ZNF223: variants seen among roughly 807,000 people sequenced by gnomAD.
The protein encoded by ZNF223 is Homo sapiens zinc finger protein 223.
ZNF223 carries 9 observed loss-of-function variants against 12.3 expected under a neutral mutation model. The ratio of observed to expected loss-of-function variants is 0.73; its 90% CI spans 0.44 to 1.28. ZNF223 has a LOEUF of 1.28. Ranked by LOEUF, ZNF223 falls within the 50% of genes most tolerant of loss-of-function variation. ZNF223 has a pLI of 0.00. For missense variants in ZNF223, 506 were observed against 579.0 expected, an observed-to-expected ratio of 0.87 and a Z score of 1.29; for synonymous variants, 171 against 195.2, an observed-to-expected ratio of 0.88 and a Z score of 1.03.
rs1976831598 is a variant in ZNF223, at chr19:44,061,017, A to C, written c.235+176A>C. 6.7e-6 allele frequency: 4 copies of C among 599,632 alleles called. No individual in the cohort carries two copies. The Admixed American group carries it at 1.2e-4, about 18-fold the overall frequency. The allele number at this position is 599,632 out of a possible 1,614,324, so 37.1% of individuals were successfully genotyped here. On this transcript the variant is annotated intron_variant, in intron 4 of 4. Transcript: ENST00000434772. ...TCCCACTCTGACATCTGTTCTCCTC[A>C]TGGCAGCTAAAGTGATCCTTAGGAC... is the stretch of plus-strand genomic sequence containing the variant.
At position 44,060,986 on chromosome 19, in the gene ZNF223, G is replaced by T. The variant is rs115744456; in HGVS notation, c.235+145G>T. 126 of 733,514 alleles carry T rather than the reference G, an allele frequency of 1.7e-4. 1 individual carries two copies. In the African/African-American group the frequency reaches 2.1e-3, roughly 12 times the overall value. 45.4% of individuals were successfully genotyped at this position (733,514 alleles called of 1,614,324 possible). A position where few individuals can be genotyped will look rare whatever the true frequency, so the allele number is the denominator to read the frequency against. ...TCCTTCCAGCTAGTGGCCCTGCTCC[G>T]TGCCTTCCCACTCTGACATCTGTTC... On this transcript the variant is annotated intron_variant, in intron 4 of 4. Coordinates refer to ENST00000434772, the MANE Select transcript of ZNF223 (RefSeq NM_013361.6).
chr19:44,055,826 GTGTAC>G (rs1424572690), intron 2 of ZNF223, among the ~76,000 whole-genome samples: 1 of 152,108 alleles, frequency 6.6e-6, no homozygotes, highest in East Asian at 1.9e-4. Flanking sequence ...CCAGTCACTT[GTGTAC>G]TGTCACTCAT....
At chr19:44,060,412 C>A (rs1306612781) in intron 2 of ZNF223, 43 bp from the exon 3 acceptor site, 1 of 1,610,186 alleles carries the variant, frequency 6.2e-7, no homozygotes, top group African/African-American at 1.3e-5. Context: ...CTCCCAGTAA[C>A]CATTGGTAGT....
chr19:44,056,277 G>A (rs1267239671), intron 2 of ZNF223, among the ~76,000 whole-genome samples: 1 of 150,352 alleles, frequency 6.7e-6, no homozygotes, highest in East Asian at 2.0e-4. Flanking sequence ...GCACTTTTTC[G>A]GAGGCTGAGG....
At chr19:44,065,989 G>A (rs1278388061) in intron 4 of ZNF223, 75 bp from the exon 5 acceptor site, 1 of 1,513,744 alleles carries the variant, frequency 6.6e-7, no homozygotes, top group Non-Finnish European at 8.8e-7. Flanking sequence ...TTCATACCAT[G>A]TCCTAAGTGT....
rs1438912741 is a variant in ZNF223 at position 44,066,796 on chromosome 19, A to T, written c.968A>T (p.Lys323Ile). The T allele has an allele frequency of 1.9e-6, 3 of 1,614,204 alleles. No homozygotes were observed. The highest frequency in any genetic ancestry group is 2.2e-5 in the South Asian group (2 of 91,086). ...CCAAACAGCACTGGGGAATATGGAA[A>T]AGGCTTCATTCGTAGGCTGGATTTG... ...KKPNSTGEYGKGFIRRLDLCK... is the reference protein window; with the variant it reads ...KKPNSTGEYGIGFIRRLDLCK... The change falls in exon 5 of 5, where the codon AAA becomes ATA. Residue 323 changes from lysine to isoleucine, a missense_variant. Coordinates refer to ENST00000434772, the MANE Select transcript of ZNF223 (RefSeq NM_013361.6).
In ZNF223 at chr19:44,067,136, G is replaced by A; in HGVS notation, c.1308G>A (p.Lys436=). ...KPFKCEDCGK[K]LVYRSYRKDQ... The stretch of plus-strand genomic sequence containing the variant: ...TCAAATGTGAGGATTGTGGAAAGAA[G>A]CTTGTATACCGGTCATACCGTAAAG... The change falls in exon 5 of 5, where the codon AAG becomes AAA. Residue 436 remains lysine (K), a synonymous_variant. Transcript: ENST00000434772. 6.2e-7 allele frequency: 1 copy of A among 1,613,610 alleles called. No individual in the cohort carries two copies. The highest frequency in any genetic ancestry group is 1.7e-5 in the Admixed American group (1 of 59,914).
intron 2 of ZNF223, among the ~76,000 whole-genome samples, chr19:44,059,944 C>G (rs1976815034): frequency 6.6e-6 from 1 of 152,170 alleles, no homozygotes; most frequent in Non-Finnish European, 1.5e-5. Context: ...AGATTAGAGT[C>G]AGGAGGACCT....
intron 4 of ZNF223, 176 bp downstream of exon 4, chr19:44,061,017 A>G: frequency 3.3e-6 from 2 of 599,632 alleles, no homozygotes; most frequent in Non-Finnish European, 6.0e-6. Flanking sequence ...TGTTCTCCTC[A>G]TGGCAGCTAA....
chr19:44,056,221 A>G (rs1403367428), intron 2 of ZNF223, among the ~76,000 whole-genome samples: 2 of 151,572 alleles, frequency 1.3e-5, no homozygotes, highest in Non-Finnish European at 2.9e-5. Context: ...GATACCTCAC[A>G]CATTTTTTCT....
At chr19:44,057,451 C>A (rs946541369) in intron 2 of ZNF223, among the ~76,000 whole-genome samples, 1 of 152,110 alleles carries the variant, frequency 6.6e-6, no homozygotes, top group African/African-American at 2.4e-5. Context: ...AAAAATAGAT[C>A]ATCAGTTCCC....
chr19:44,055,047 G>T, intron 1 of ZNF223, 62 bp from the exon 2 acceptor site: 1 of 773,346 alleles, frequency 1.3e-6, no homozygotes, highest in Non-Finnish European at 2.2e-6. Flanking sequence ...AGTCCTTGTT[G>T]GTGGGTGACA....
intron 1 of ZNF223, 59 bp from the exon 2 acceptor site, chr19:44,055,050 G>GGGT (rs1976747034): frequency 3.0e-5 from 24 of 809,222 alleles, no homozygotes; most frequent in Non-Finnish European, 4.7e-5. Context: ...CCTTGTTGGT[G>GGGT]GGTGACATCC....
At chr19:44,060,726 C>T (rs1468280706) in intron 3 of ZNF223, 23 bp from the exon 4 acceptor site, 3 of 1,613,688 alleles carry the variant, frequency 1.9e-6, no homozygotes, top group Middle Eastern at 1.7e-4. Context: ...TGGGATTAAG[C>T]ATGTGACTTT....
chr19:44,065,718 T>C (rs1225350543), intron 4 of ZNF223, among the ~76,000 whole-genome samples: 3 of 151,822 alleles, frequency 2.0e-5, no homozygotes, highest in African/African-American at 7.3e-5. Flanking sequence ...TCTGGGATTA[T>C]AGGTGTGTGC....
intron 4 of ZNF223, among the ~76,000 whole-genome samples, chr19:44,063,893 G>A (rs574999635): frequency 6.6e-6 from 1 of 152,158 alleles, no homozygotes; most frequent in Non-Finnish European, 1.5e-5. Flanking sequence ...CTAGGCTTAA[G>A]GGTGGAGTTT....
chr19:44,053,115 G>T (rs1167557303), intron 1 of ZNF223, among the ~76,000 whole-genome samples: 1 of 152,124 alleles, frequency 6.6e-6, no homozygotes, highest in African/African-American at 2.4e-5. Context: ...GATATTGAAG[G>T]GGGCCTGCCT....
At chr19:44,064,815 A>G (rs947811324) in intron 4 of ZNF223, among the ~76,000 whole-genome samples, 4 of 152,118 alleles carry the variant, frequency 2.6e-5, no homozygotes, top group Non-Finnish European at 5.9e-5. Flanking sequence ...TGGATCTCCT[A>G]TTGTATTCTC....
chr19:44,065,740 G>A (rs1008609264), intron 4 of ZNF223, among the ~76,000 whole-genome samples: 2 of 151,892 alleles, frequency 1.3e-5, no homozygotes, highest in African/African-American at 4.8e-5. Flanking sequence ...ACCACACCTA[G>A]CTGATTTTTG....
Sources: allele counts gnomAD v4.1 joint callset (sites outside exome capture counted in the v4.1 genomes callset), GRCh38; gene constraint gnomAD v4.1.1; transcripts MANE v1.5; gene names NCBI Gene and HGNC (gene_info 2026-07-23, HGNC 2026-07-21).